SATB2: variants seen among roughly 807,000 people sequenced by gnomAD.
The protein encoded by SATB2 is SATB homeobox 2.
SATB2 carries 1 observed loss-of-function variant against 73.4 expected under a neutral mutation model. The ratio of observed to expected loss-of-function variants is 0.01; its 90% confidence interval spans 0.00 to 0.06. The LOEUF (loss-of-function observed/expected upper bound fraction) is 0.06. Among genes scored for constraint, SATB2 ranks in the 10% least tolerant of loss-of-function variants. The pLI, the probability that SATB2 is intolerant of heterozygous loss-of-function variation, is 1.00. For synonymous variants in SATB2, 397 were observed against 367.0 expected (o/e 1.08, Z -0.93); for missense variants, 459 against 945.8 (o/e 0.49, Z 6.75).
intron 6 of SATB2, among the ~76,000 whole-genome samples, chr2:199,363,122 AAGCT>A: frequency 6.6e-6 from 1 of 152,330 alleles, no homozygotes; most frequent in East Asian, 1.9e-4. Context: ...GTCCATGTCT[AAGCT>A]GAGTGCTCAA....
rs1221035998 is a variant in SATB2 at position 199,311,302 on chromosome 2, C to A, written c.1543-2345G>T. Among the ~76,000 whole-genome samples, 4 of 152,092 alleles carry A rather than the reference C, an allele frequency of 2.6e-5. No individual in the cohort carries two copies. In the East Asian group the frequency reaches 7.7e-4, roughly 29 times the overall value. On this transcript the variant is annotated intron_variant, in intron 9 of 10. Transcript: ENST00000417098. ...TCATGGTATTTAGAGGGTTATTAAT[C>A]TAGTTTCCCCACAAAGTGTTTGCTT...
Position 199,455,664 on chromosome 2 carries a change from A to G in SATB2, c.169+205T>C, listed in dbSNP as rs1008034503. Among the ~76,000 whole-genome samples, 1 of 152,220 alleles carries G rather than the reference A, an allele frequency of 6.6e-6. No individual in the cohort carries two copies. Among genetic ancestry groups the G allele is most frequent in the African/African-American group, 2.4e-5 (1 of 41,474 alleles). ...AGTGGCAAAATGCCCAAAAAATGCCACCCTCTGGGTAAAACCACTTTCTTG... is the reference window on the plus strand; with the variant it reads ...AGTGGCAAAATGCCCAAAAAATGCCGCCCTCTGGGTAAAACCACTTTCTTG... On this transcript the variant is annotated intron_variant, in intron 2 of 10. Transcript: ENST00000417098. This position sits in a 1 kb window ranked among gnomAD's most constrained non-coding sequence, Gnocchi z 4.1.
At chr2:199,432,169 A>G (rs775154522) in intron 3 of SATB2, among the ~76,000 whole-genome samples, 1 of 152,230 alleles carries the variant, frequency 6.6e-6, no homozygotes, top group Non-Finnish European at 1.5e-5. Context: ...GGGATTCACA[A>G]TAACTAGTAG....
chr2:199,272,156 A>G lies in SATB2; in HGVS notation c.*55T>C. ...AAACTAACAAAAAACTTTTAAAGAAATGAAAGCAGAAAATCCTTGGACCGA... is the reference window on the plus strand; with the variant it reads ...AAACTAACAAAAAACTTTTAAAGAAGTGAAAGCAGAAAATCCTTGGACCGA... On this transcript the variant is annotated 3_prime_UTR_variant, in exon 11 of 11. Transcript: ENST00000417098. This position sits in a 1 kb window ranked among gnomAD's most constrained non-coding sequence, Gnocchi z 6.7. 2 of 1,543,682 alleles carry G rather than the reference A, an allele frequency of 1.3e-6. No homozygotes were observed. The highest frequency in any genetic ancestry group is 1.1e-5 in the South Asian group (1 of 89,714).
intron 2 of SATB2, among the ~76,000 whole-genome samples, chr2:199,449,443 T>C (rs1692061433): frequency 6.6e-6 from 1 of 152,154 alleles, no homozygotes; most frequent in Admixed American, 6.5e-5. Flanking sequence ...TCCATAATTT[T>C]GAAAACTCCA....
In SATB2 at chr2:199,270,745, C is replaced by G. The variant is rs900911975; in HGVS notation, c.*1466G>C. ...AAACATCCAGTCAGCATTAGTTCTG[C>G]TTTACATAAGGTAATTGCGATGTAG... On this transcript the variant is annotated 3_prime_UTR_variant, in exon 11 of 11. Coordinates refer to ENST00000417098, the MANE Select transcript of SATB2 (RefSeq NM_001172509.2). 1 of 152,332 alleles carries G rather than the reference C, an allele frequency of 6.6e-6. No homozygotes were observed. The highest frequency in any genetic ancestry group is 1.5e-5 in the Non-Finnish European group (1 of 68,028). The allele number at this position is 152,332 out of a possible 1,614,324, so 9.4% of individuals were successfully genotyped here.
chr2:199,336,413 C>T (rs1213431096), intron 7 of SATB2, among the ~76,000 whole-genome samples: 6 of 152,088 alleles, frequency 3.9e-5, no homozygotes, highest in Non-Finnish European at 8.8e-5. Flanking sequence ...TGGCAACCTG[C>T]CCCAAAAATT....
chr2:199,456,302 G>T (rs989384858), intron 1 of SATB2, among the ~76,000 whole-genome samples: 3 of 152,336 alleles, frequency 2.0e-5, no homozygotes, highest in Admixed American at 2.0e-4. Flanking sequence ...TCGGTTCGGC[G>T]ACTCTGCCCA....
At chr2:199,393,843 G>T (rs1690220605) in intron 3 of SATB2, among the ~76,000 whole-genome samples, 1 of 151,858 alleles carries the variant, frequency 6.6e-6, no homozygotes, top group African/African-American at 2.4e-5. Context: ...ATAATTGAAG[G>T]TCTGCCAGTT....
rs539377125 is a variant in SATB2, at chr2:199,438,683, C to T, written c.170-5169G>A. On this transcript the variant is annotated intron_variant, in intron 2 of 10. Coordinates refer to ENST00000417098, the MANE Select transcript of SATB2 (RefSeq NM_001172509.2). ...GAAAGATGGTGCAGCTGCAGCAGGGCGTCTAGGTGACAGGATTCAATGGGC... is the reference window on the plus strand; with the variant it reads ...GAAAGATGGTGCAGCTGCAGCAGGGTGTCTAGGTGACAGGATTCAATGGGC... Among the ~76,000 whole-genome samples, 3 of 152,306 alleles carry T rather than the reference C, an allele frequency of 2.0e-5. No individual in the cohort carries two copies. The South Asian group carries it at 6.2e-4, about 32-fold the overall frequency.
At chr2:199,421,489 AT>A (rs1385688430) in intron 3 of SATB2, among the ~76,000 whole-genome samples, 2 of 152,140 alleles carry the variant, frequency 1.3e-5, no homozygotes, top group Non-Finnish European at 2.9e-5. Context: ...CCTTCATAAA[AT>A]CTCCATCCTA....
rs1692237662 is a variant in SATB2 at position 199,455,178 on chromosome 2, C to T, written c.169+691G>A. Among the ~76,000 whole-genome samples, 1 of 152,168 alleles carries T rather than the reference C, an allele frequency of 6.6e-6. No individual in the cohort carries two copies. The highest frequency in any genetic ancestry group is 2.1e-4 in the South Asian group (1 of 4,828). On this transcript the variant is annotated intron_variant, in intron 2 of 10. Coordinates refer to ENST00000417098, the MANE Select transcript of SATB2 (RefSeq NM_001172509.2). This position sits in a 1 kb window ranked among gnomAD's most constrained non-coding sequence, Gnocchi z 4.1. Reference sequence around the variant, plus strand: ...AGTAGTAAAAACTACAAAAGATTTTCTTTAAATAAAATTATTAATAAATTC... The same window carrying T: ...AGTAGTAAAAACTACAAAAGATTTTTTTTAAATAAAATTATTAATAAATTC...
chr2:199,386,749 CA>C (rs1559022051), intron 3 of SATB2, among the ~76,000 whole-genome samples: 29 of 148,776 alleles, frequency 1.9e-4, no homozygotes, highest in Non-Finnish European at 3.3e-4. Flanking sequence ...CACACACACA[CA>C]CACACACACA....
At chr2:199,364,052 T>C (rs2105844369) in intron 6 of SATB2, among the ~76,000 whole-genome samples, 1 of 152,308 alleles carries the variant, frequency 6.6e-6, no homozygotes, top group South Asian at 2.1e-4. Flanking sequence ...TCCTGACCAC[T>C]GATACCACCA....
intron 3 of SATB2, among the ~76,000 whole-genome samples, chr2:199,408,002 T>C (rs968556686): frequency 4.6e-5 from 7 of 152,210 alleles, no homozygotes; most frequent in Admixed American, 6.5e-5. Flanking sequence ...ATCAGACTTA[T>C]AGGAACAGCA....
At chr2:199,339,782 C>T (rs1162732244) in intron 7 of SATB2, among the ~76,000 whole-genome samples, 2 of 152,198 alleles carry the variant, frequency 1.3e-5, no homozygotes, top group Non-Finnish European at 2.9e-5. Context: ...TTAAATTGTG[C>T]CAACCTTTGG....
chr2:199,378,722 C>T (rs1478163040), intron 5 of SATB2, among the ~76,000 whole-genome samples: 3 of 152,174 alleles, frequency 2.0e-5, no homozygotes, highest in African/African-American at 7.2e-5. Flanking sequence ...ATAATAATAG[C>T]TGATACTGTT....
intron 10 of SATB2, among the ~76,000 whole-genome samples, chr2:199,290,379 C>G (rs1284181911): frequency 6.6e-6 from 1 of 152,212 alleles, no homozygotes; most frequent in Non-Finnish European, 1.5e-5. Context: ...TCCACATACT[C>G]TAAACTTAGC....
At chr2:199,317,616 T>A (rs1330572075) in intron 9 of SATB2, among the ~76,000 whole-genome samples, 2 of 152,074 alleles carry the variant, frequency 1.3e-5, no homozygotes, top group African/African-American at 4.8e-5. Flanking sequence ...TTATTGATTG[T>A]CTAAGGACTC....
Sources: gnomAD v4.1 joint callset for allele counts (sites outside exome capture counted in the v4.1 genomes callset) on GRCh38, gnomAD v4.1.1 for gene constraint, Gnocchi (gnomAD v3.1) non-coding constraint, MANE v1.5 for transcripts, NCBI Gene and HGNC (gene_info 2026-07-23, HGNC 2026-07-21) for gene names.